Variants in MCC observed in about 807,000 individuals in gnomAD.
The protein encoded by MCC is MCC regulator of Wnt signaling pathway, also known as colorectal mutant cancer protein.
A neutral mutation model predicts 116.2 loss-of-function variants in MCC; 90 were observed. The ratio of observed to expected loss-of-function variants is 0.77; its 90% confidence interval spans 0.65 to 0.92. The LOEUF (loss-of-function observed/expected upper bound fraction) is 0.92, where lower values mean the gene tolerates loss of function less well. Ranked by LOEUF, MCC falls within the 40% of genes least tolerant of loss-of-function variation. The pLI is 0.00. For synonymous variants in MCC, 578 were observed against 510.5 expected, an observed-to-expected ratio of 1.13 and a Z score of -1.78; for missense variants, 1,516 against 1,312.2, an observed-to-expected ratio of 1.16 and a Z score of -2.40.
intron 2 of MCC, among the ~76,000 whole-genome samples, chr5:113,383,726 T>TA (rs1322498085): frequency 6.6e-6 from 1 of 152,174 alleles, no homozygotes; most frequent in Non-Finnish European, 1.5e-5. Flanking sequence ...TTCTACATAT[T>TA]ATGTTAAGAG....
chr5:113,211,407 G>A (rs1763131172), intron 3 of MCC, among the ~76,000 whole-genome samples: 1 of 152,200 alleles, frequency 6.6e-6, no homozygotes, highest in Admixed American at 6.5e-5. Context: ...AAGACATGTA[G>A]CATTGGACAC....
chr5:113,219,914 TCA>T, intron 3 of MCC, among the ~76,000 whole-genome samples: 1 of 151,930 alleles, frequency 6.6e-6, no homozygotes, highest in Non-Finnish European at 1.5e-5. Flanking sequence ...TAAATGTGAC[TCA>T]CAACATCCTC....
chr5:113,083,945 T>A (rs1333373033), intron 10 of MCC, among the ~76,000 whole-genome samples, 156 bp downstream of exon 10: 1 of 152,228 alleles, frequency 6.6e-6, no homozygotes, highest in Non-Finnish European at 1.5e-5. Flanking sequence ...ATCATACATT[T>A]TAATTTAATC....
intron 3 of MCC, among the ~76,000 whole-genome samples, chr5:113,283,076 A>G (rs1211081457): frequency 2.0e-5 from 3 of 152,272 alleles, no homozygotes. Flanking sequence ...CCGACAAAGC[A>G]TCAGAATGCT....
Position 113,049,079 on chromosome 5 carries a change from C to T in MCC, c.2655+14G>A. The stretch of plus-strand genomic sequence containing the variant: ...ACTGAGCCTAAGGGTGTCCCCAAGC[C>T]ACTCCGGCCCTACCTTGCCAGGTTT... On this transcript the variant is annotated intron_variant, in intron 16 of 18. Transcript: ENST00000408903. 1 of 1,613,890 alleles carries T rather than the reference C, an allele frequency of 6.2e-7. No individual in the cohort carries two copies. Among genetic ancestry groups the T allele is most frequent in the African/African-American group, 1.3e-5 (1 of 75,024 alleles).
rs1473122181 is a variant in MCC at position 113,143,431 on chromosome 5, G to A, written c.742-71C>T. The A allele has an allele frequency of 3.2e-6, 5 of 1,561,586 alleles. No homozygotes were observed. In the African/African-American group the frequency reaches 6.8e-5, roughly 21 times the overall value. ...CTACAGGTGGATGATTCCAAGCTTT[G>A]TGGCCTTAAACCATTACAACTGCCA... On this transcript the variant is annotated intron_variant, in intron 4 of 18. Coordinates refer to ENST00000408903, the MANE Select transcript of MCC (RefSeq NM_001085377.2).
Position 113,488,285 on chromosome 5 carries a change from A to G in MCC, c.130T>C (p.Phe44Leu), listed in dbSNP as rs1379087748. 8 of 1,595,422 alleles carry G rather than the reference A, an allele frequency of 5.0e-6. No homozygotes were observed. The African/African-American group carries it at 6.9e-5, about 14-fold the overall frequency. ...TGEEERMRRL[F>L]QTCDGDGDGY... ...TCCCCGTCGCCGTCGCACGTCTGGA[A>G]GAGGCGCCGCATCCTCTCCTCCTCG... The change falls in exon 1 of 19, where the codon TTC (phenylalanine) becomes CTC (leucine). Residue 44 changes from phenylalanine to leucine, a missense_variant. By Grantham distance (22) the Phe-to-Leu change is conservative (BLOSUM62 0). Coordinates refer to ENST00000408903, the MANE Select transcript of MCC (RefSeq NM_001085377.2).
chr5:113,092,994 T>C (rs546106977), intron 8 of MCC, among the ~76,000 whole-genome samples: 128 of 152,326 alleles, frequency 8.4e-4, no homozygotes, highest in African/African-American at 2.7e-3. Context: ...CACTATAGAA[T>C]GCTAGATGTC....
chr5:113,278,703 G>C (rs1765922552), intron 3 of MCC, among the ~76,000 whole-genome samples: 2 of 152,178 alleles, frequency 1.3e-5, no homozygotes, highest in African/African-American at 2.4e-5. Context: ...CTGGAGGATA[G>C]AATGTGAGCG....
intron 1 of MCC, among the ~76,000 whole-genome samples, chr5:113,427,978 A>G (rs1176094449): frequency 1.3e-5 from 2 of 152,174 alleles, no homozygotes; most frequent in African/African-American, 4.8e-5. Flanking sequence ...GCTCCTCCAA[A>G]ATAAATGTCC....
At chr5:113,273,054 T>C (rs548885871) in intron 3 of MCC, among the ~76,000 whole-genome samples, 4 of 152,150 alleles carry the variant, frequency 2.6e-5, no homozygotes, top group Non-Finnish European at 4.4e-5. Context: ...TGTGAAAACA[T>C]TAATGAACTA....
intron 3 of MCC, among the ~76,000 whole-genome samples, chr5:113,295,740 A>T (rs1766692570): frequency 6.6e-6 from 1 of 152,090 alleles, no homozygotes; most frequent in Admixed American, 6.6e-5. Context: ...GGAAGAGGGG[A>T]ACTAGGATTT....
chr5:113,063,437 G>C (rs1753359155), intron 14 of MCC, among the ~76,000 whole-genome samples: 2 of 152,202 alleles, frequency 1.3e-5, no homozygotes, highest in African/African-American at 2.4e-5. Flanking sequence ...GTTCATGACT[G>C]AGTGCCTGTA....
At chr5:113,045,976 T>C (rs1752044051) in intron 16 of MCC, among the ~76,000 whole-genome samples, 1 of 152,100 alleles carries the variant, frequency 6.6e-6, no homozygotes, top group Non-Finnish European at 1.5e-5. Flanking sequence ...CACAGAAAAG[T>C]GCTGACCCCT....
chr5:113,304,706 A>G (rs914545380), intron 3 of MCC, among the ~76,000 whole-genome samples: 6 of 152,022 alleles, frequency 3.9e-5, no homozygotes, highest in African/African-American at 1.2e-4. Flanking sequence ...ACTATATCAC[A>G]TTTTCTATGG....
At position 113,333,837 on chromosome 5, in the gene MCC, ATATATG is replaced by A. The variant is rs1441604761; in HGVS notation, c.627+6676_627+6681del. Reference sequence around the variant, plus strand: ...TATATGTACATATATGTATATATGTATATATGTATATATGTACATATATGTATATAT... The same window carrying A: ...TATATGTACATATATGTATATATGTATATATATGTACATATATGTATATAT... On this transcript the variant is annotated intron_variant, in intron 3 of 18. Coordinates refer to ENST00000408903, the MANE Select transcript of MCC (RefSeq NM_001085377.2). Among the ~76,000 whole-genome samples the A allele has an allele frequency of 4.2e-4, 25 of 58,932 alleles. 4 individuals are homozygous for A. The highest frequency in any genetic ancestry group is 3.0e-3 in the African/African-American group (23 of 7,554). The allele number at this position is 58,932 out of a possible 152,430, so 38.7% of individuals were successfully genotyped here. A position where few individuals can be genotyped will look rare whatever the true frequency, so the allele number is the denominator to read the frequency against.
intron 3 of MCC, among the ~76,000 whole-genome samples, chr5:113,323,474 G>A (rs1158988893): frequency 6.6e-6 from 1 of 152,150 alleles, no homozygotes; most frequent in Non-Finnish European, 1.5e-5. Context: ...GGGGTGGAAG[G>A]TGGTGGCAGT....
At chr5:113,470,673 T>A (rs1221842919) in intron 1 of MCC, among the ~76,000 whole-genome samples, 1 of 151,902 alleles carries the variant, frequency 6.6e-6, no homozygotes, top group African/African-American at 2.4e-5. Flanking sequence ...GAGTTGCTCT[T>A]CTCGAGGAGT....
chr5:113,338,272 C>G (rs1767918126), intron 3 of MCC, among the ~76,000 whole-genome samples: 1 of 152,164 alleles, frequency 6.6e-6, no homozygotes, highest in Non-Finnish European at 1.5e-5. Context: ...GCAGTGTTCC[C>G]TCATTTCTAA....
Sources: gnomAD v4.1 joint callset for allele counts (sites outside exome capture counted in the v4.1 genomes callset) on GRCh38, gnomAD v4.1.1 for gene constraint, MANE v1.5 for transcripts, NCBI Gene and HGNC (gene_info 2026-07-23, HGNC 2026-07-21) for gene names.